The following CFAP44 variants were observed in gnomAD, a reference collection of about 807,000 sequenced individuals.
CFAP44 encodes the protein cilia- and flagella-associated protein 44.
In CFAP44, 134 loss-of-function variants were observed where a neutral mutation model predicts 216.2. The observed-to-expected ratio is 0.62, with a 90% CI of 0.54 to 0.72. CFAP44 has a LOEUF of 0.72. Ranked by LOEUF, CFAP44 falls within the 30% of genes least tolerant of loss-of-function variation. The pLI is 0.00. For missense variants in CFAP44, 2,035 were observed against 2,182.1 expected (o/e 0.93, Z 1.34); for synonymous variants, 700 against 727.6 (o/e 0.96, Z 0.61).
chr3:113,316,656 G>A (rs1950090842), intron 28 of CFAP44, among the ~76,000 whole-genome samples: 2 of 152,038 alleles, frequency 1.3e-5, no homozygotes, highest in African/African-American at 4.8e-5. Flanking sequence ...ATCACTTGAG[G>A]TCAGGACTTT....
At chr3:113,326,272 C>T (rs959537209) in intron 28 of CFAP44, among the ~76,000 whole-genome samples, 173 bp downstream of exon 28, 3 of 152,160 alleles carry the variant, frequency 2.0e-5, no homozygotes, top group Admixed American at 6.5e-5. Context: ...CAGATTAACT[C>T]GAGGTGTTGG....
intron 28 of CFAP44, among the ~76,000 whole-genome samples, chr3:113,323,862 T>C (rs1262178595): frequency 3.3e-5 from 5 of 151,872 alleles, no homozygotes; most frequent in Non-Finnish European, 7.4e-5. Context: ...GCCAACATGG[T>C]GAAATCCCGT....
chr3:113,367,434 C>G (rs1248894655), intron 18 of CFAP44, among the ~76,000 whole-genome samples: 1 of 152,210 alleles, frequency 6.6e-6, no homozygotes, highest in Non-Finnish European at 1.5e-5. Context: ...GATACCCAGG[C>G]AAACAGGGCC....
At chr3:113,301,590 C>T (rs1949936205) in intron 32 of CFAP44, among the ~76,000 whole-genome samples, 1 of 152,008 alleles carries the variant, frequency 6.6e-6, no homozygotes, top group African/African-American at 2.4e-5. Context: ...GGGTTAAAAA[C>T]CCAAATGTGA....
chr3:113,406,059 T>C lies in CFAP44; in HGVS notation c.1005+868A>G, dbSNP rs191290517. Among the ~76,000 whole-genome samples, 3 of 152,336 alleles carry C rather than the reference T, an allele frequency of 2.0e-5. No homozygotes were observed. In the East Asian group the frequency reaches 5.8e-4, roughly 29 times the overall value. Reference sequence around the variant, plus strand: ...TGTATAACTCATTCTAATAGGAAGCTATGTAAAATATTGATAGAGAACTAA... The same window carrying C: ...TGTATAACTCATTCTAATAGGAAGCCATGTAAAATATTGATAGAGAACTAA... On this transcript the variant is annotated intron_variant, in intron 8 of 34. Transcript: ENST00000393845.
intron 33 of CFAP44, 67 bp downstream of exon 33, chr3:113,296,658 C>T: frequency 6.6e-7 from 1 of 1,506,306 alleles, no homozygotes; most frequent in Non-Finnish European, 8.9e-7. Context: ...GGTACCACTT[C>T]CTGCTCCCTG....
chr3:113,384,401 G>A lies in CFAP44; in HGVS notation c.1891-3341C>T, dbSNP rs571743986. Among the ~76,000 whole-genome samples, 3 of 152,210 alleles carry A rather than the reference G, an allele frequency of 2.0e-5. No homozygotes were observed. In the South Asian group the frequency reaches 6.2e-4, roughly 32 times the overall value. ...AAGCTTGAGCTCTTATAGTTGTTAT[G>A]TGCTGAATTGTGTCCCTTCAGAAAA... is the stretch of plus-strand genomic sequence containing the variant. On this transcript the variant is annotated intron_variant, in intron 15 of 34. Coordinates refer to ENST00000393845, the MANE Select transcript of CFAP44 (RefSeq NM_001164496.2).
intron 28 of CFAP44, among the ~76,000 whole-genome samples, chr3:113,326,053 C>T (rs1334832720): frequency 6.6e-6 from 1 of 152,064 alleles, no homozygotes; most frequent in African/African-American, 2.4e-5. Context: ...GACTAGTATA[C>T]AGAATATATA....
intron 24 of CFAP44, among the ~76,000 whole-genome samples, chr3:113,336,537 C>T (rs551684225): frequency 6.6e-6 from 1 of 152,044 alleles, no homozygotes; most frequent in Non-Finnish European, 1.5e-5. Flanking sequence ...CTGGATAGCA[C>T]TATAACAACA....
chr3:113,317,808 A>G (rs1415109894), intron 28 of CFAP44, among the ~76,000 whole-genome samples: 2 of 152,210 alleles, frequency 1.3e-5, no homozygotes, highest in Non-Finnish European at 2.9e-5. Context: ...AAGATGTTGC[A>G]TATCTCCCTG....
chr3:113,386,639 C>A (rs147107696), intron 15 of CFAP44, among the ~76,000 whole-genome samples: 8 of 152,248 alleles, frequency 5.3e-5, no homozygotes, highest in African/African-American at 1.2e-4. Flanking sequence ...GGAGGCAGAG[C>A]AAGATGGCTG....
intron 2 of CFAP44, 173 bp from the exon 3 acceptor site, chr3:113,427,512 A>C: frequency 1.9e-6 from 1 of 522,680 alleles, no homozygotes; most frequent in Non-Finnish European, 3.3e-6. Context: ...ACAAAATAAG[A>C]AAGCCTTTTC....
At chr3:113,320,158 G>A (rs1490591001) in intron 28 of CFAP44, among the ~76,000 whole-genome samples, 1 of 151,574 alleles carries the variant, frequency 6.6e-6, no homozygotes, top group Admixed American at 6.6e-5. Context: ...AATTCTACCA[G>A]ACATACAAAG....
intron 28 of CFAP44, among the ~76,000 whole-genome samples, chr3:113,311,817 C>T (rs149036131): frequency 0.042 from 6,329 of 152,140 alleles, 470 homozygotes; most frequent in African/African-American, 0.14. Context: ...GTGATATGGA[C>T]AATAAGGTCC....
intron 28 of CFAP44, among the ~76,000 whole-genome samples, chr3:113,320,180 C>T (rs1208218055): frequency 6.6e-6 from 1 of 151,444 alleles, no homozygotes; most frequent in Non-Finnish European, 1.5e-5. Flanking sequence ...AGAATTGGTA[C>T]CAATTCTACT....
chr3:113,341,332 C>T (rs1376404105), intron 24 of CFAP44, among the ~76,000 whole-genome samples: 1 of 151,764 alleles, frequency 6.6e-6, no homozygotes, highest in Non-Finnish European at 1.5e-5. Context: ...CCCAGCACTC[C>T]CATATCAATA....
intron 15 of CFAP44, among the ~76,000 whole-genome samples, chr3:113,387,710 C>T (rs976340132): frequency 1.1e-4 from 16 of 152,002 alleles, no homozygotes; most frequent in Admixed American, 6.6e-4. Flanking sequence ...TAGGTACCAG[C>T]TTGGGCACAG....
chr3:113,406,331 A>G (rs565031934), intron 8 of CFAP44, among the ~76,000 whole-genome samples: 3 of 152,370 alleles, frequency 2.0e-5, no homozygotes, highest in African/African-American at 7.2e-5. Flanking sequence ...GGGGAAAAGT[A>G]AGTAACATAA....
At chr3:113,401,351 C>A in intron 10 of CFAP44, 64 bp from the exon 11 acceptor site, 2 of 1,432,960 alleles carry the variant, frequency 1.4e-6, no homozygotes, top group South Asian at 1.3e-5. Flanking sequence ...TTTAAATGTT[C>A]TTTCTATGTT....
Sources: gnomAD v4.1 joint callset for allele counts (sites outside exome capture counted in the v4.1 genomes callset) on GRCh38, gnomAD v4.1.1 for gene constraint, MANE v1.5 for transcripts, NCBI Gene and HGNC (gene_info 2026-07-23, HGNC 2026-07-21) for gene names.